ZNF608: variants seen among roughly 807,000 people sequenced by gnomAD.
The protein encoded by ZNF608 is zinc finger protein 608.
A neutral mutation model predicts 109.0 loss-of-function variants in ZNF608; 12 were observed. That is an observed-to-expected ratio of 0.11 (90% CI 0.07 to 0.18). ZNF608 has a LOEUF of 0.18. Ranked by LOEUF, ZNF608 falls within the 10% of genes least tolerant of loss-of-function variation. The pLI is 1.00. For synonymous variants in ZNF608, 732 were observed against 717.4 expected, an observed-to-expected ratio of 1.02 and a Z score of -0.33; for missense variants, 1,707 against 1,879.3, an observed-to-expected ratio of 0.91 and a Z score of 1.70.
intron 2 of ZNF608, among the ~76,000 whole-genome samples, chr5:124,719,983 T>A (rs949249889): frequency 5.3e-5 from 8 of 152,180 alleles, no homozygotes; most frequent in African/African-American, 1.9e-4. Context: ...ACATACTCTC[T>A]TATGATCGTT....
At chr5:124,661,597 A>G (rs1751263432) in intron 3 of ZNF608, among the ~76,000 whole-genome samples, 1 of 152,212 alleles carries the variant, frequency 6.6e-6, no homozygotes, top group Admixed American at 6.5e-5. Context: ...CTCCTCCAGC[A>G]CAGGGAAGGT....
At chr5:124,730,149 G>A (rs1329307639) in intron 2 of ZNF608, among the ~76,000 whole-genome samples, 1 of 152,160 alleles carries the variant, frequency 6.6e-6, no homozygotes, top group African/African-American at 2.4e-5. Flanking sequence ...CTACTGGTGT[G>A]TGCTGGCAAG....
chr5:124,654,193 A>AT (rs552109996), intron 3 of ZNF608, among the ~76,000 whole-genome samples: 25 of 148,916 alleles, frequency 1.7e-4, no homozygotes, highest in East Asian at 5.9e-4. Context: ...TCTTTTTCCT[A>AT]TTTTTTTTTA....
At chr5:124,742,349 G>A (rs1016915839) in intron 2 of ZNF608, among the ~76,000 whole-genome samples, 4 of 152,132 alleles carry the variant, frequency 2.6e-5, no homozygotes, top group African/African-American at 9.7e-5. Context: ...ATGCAAAAGG[G>A]CAGTACCTCC....
intron 3 of ZNF608, among the ~76,000 whole-genome samples, chr5:124,694,688 A>T (rs889126633): frequency 1.3e-5 from 2 of 152,008 alleles, no homozygotes; most frequent in Non-Finnish European, 2.9e-5. Context: ...CGTCATTTAC[A>T]TTAGGTATAT....
chr5:124,674,693 C>G (rs1361191039), intron 3 of ZNF608, among the ~76,000 whole-genome samples: 1 of 152,226 alleles, frequency 6.6e-6, no homozygotes, highest in Non-Finnish European at 1.5e-5. Context: ...TCACGGCAGC[C>G]TCAAACTCCT....
At chr5:124,709,545 G>A (rs569865622) in intron 2 of ZNF608, among the ~76,000 whole-genome samples, 125 of 152,288 alleles carry the variant, frequency 8.2e-4, no homozygotes, top group Middle Eastern at 3.4e-3. Context: ...TGGTGGAGGC[G>A]GAGCAGACAC....
In ZNF608 at chr5:124,644,460, A is replaced by T; in HGVS notation, c.3907T>A (p.Ser1303Thr). ...AGCTTGCTCTCCTCCATTGATTGAG[A>T]ATCAGGATGCTTGGCCTCTTTGGGC... ...EEPKEAKHPD[S>T]QSMEESKLKN... Residue 1303 changes from serine to threonine, a missense_variant, in exon 6 of 10, where the codon TCT becomes ACT. Around this residue, in one of 7 missense-constraint regions of ZNF608, gnomAD observed 1,073 missense variants for 1,133.5 expected, o/e 0.95. Transcript: ENST00000513986. 1 of 1,614,082 alleles carries T rather than the reference A, an allele frequency of 6.2e-7. No individual in the cohort carries two copies. The highest frequency in any genetic ancestry group is 8.5e-7 in the Non-Finnish European group (1 of 1,180,032).
At chr5:124,695,848 G>C (rs1752825549) in intron 3 of ZNF608, among the ~76,000 whole-genome samples, 1 of 152,084 alleles carries the variant, frequency 6.6e-6, no homozygotes, top group African/African-American at 2.4e-5. Context: ...TGGAGATATA[G>C]GAGAAGCAGA....
At chr5:124,689,198 G>A (rs1040886150) in intron 3 of ZNF608, among the ~76,000 whole-genome samples, 7 of 152,188 alleles carry the variant, frequency 4.6e-5, no homozygotes, top group East Asian at 1.9e-4. Flanking sequence ...AAGAGTTCAA[G>A]GTTACAGTGA....
At chr5:124,665,519 T>C (rs890528450) in intron 3 of ZNF608, among the ~76,000 whole-genome samples, 1 of 152,244 alleles carries the variant, frequency 6.6e-6, no homozygotes, top group Non-Finnish European at 1.5e-5. Flanking sequence ...ATCTTGTAAG[T>C]GAAGGAGCCT....
chr5:124,638,876 G>A (rs568518624), intron 9 of ZNF608: 66 of 1,029,860 alleles, frequency 6.4e-5, no homozygotes, highest in Admixed American at 7.5e-5. Flanking sequence ...TAGAAATGCC[G>A]TAAGGATAAC....
intron 3 of ZNF608, among the ~76,000 whole-genome samples, chr5:124,676,887 A>G (rs191886687): frequency 6.6e-6 from 1 of 152,354 alleles, no homozygotes; most frequent in South Asian, 2.1e-4. Context: ...ATATGATAAA[A>G]CATGGGAATA....
At position 124,647,134 on chromosome 5, in the gene ZNF608, C is replaced by A. The variant is rs1750550234; in HGVS notation, c.3250G>T (p.Ala1084Ser). Residue 1084 changes from alanine (A) to serine (S), a missense_variant, in exon 5 of 10, where the codon GCA (alanine) becomes TCA (serine). This residue lies in a region of ZNF608 where 1,073 missense variants were observed against 1,133.5 expected (regional missense o/e 0.95). Transcript: ENST00000513986. ...TTCTGGTCCATATAGAGCCCATATG[C>A]ATACTGGCCATAATAAAGTGACTGA... Reference protein sequence around the residue: ...LAQSLYYGQYAYGLYMDQKSL... With the variant: ...LAQSLYYGQYSYGLYMDQKSL... 2 of 1,614,074 alleles carry A rather than the reference C, an allele frequency of 1.2e-6. No individual in the cohort carries two copies. The highest frequency in any genetic ancestry group is 2.2e-5 in the South Asian group (2 of 91,088).
chr5:124,686,257 T>C (rs1314324637), intron 3 of ZNF608, among the ~76,000 whole-genome samples: 1 of 152,236 alleles, frequency 6.6e-6, no homozygotes, highest in Non-Finnish European at 1.5e-5. Flanking sequence ...AGATTCTCTG[T>C]CCCTGTGAAT....
chr5:124,684,872 T>C (rs762367253), intron 3 of ZNF608, among the ~76,000 whole-genome samples: 1 of 152,362 alleles, frequency 6.6e-6, no homozygotes, highest in South Asian at 2.1e-4. Context: ...TAGTCATAAC[T>C]GAAATACCAA....
intron 3 of ZNF608, among the ~76,000 whole-genome samples, chr5:124,667,498 C>T (rs1751526276): frequency 6.6e-6 from 1 of 152,054 alleles, no homozygotes; most frequent in African/African-American, 2.4e-5. Flanking sequence ...ACATCAACAC[C>T]ATTGTTGATA....
chr5:124,663,358 C>T (rs1008990805), intron 3 of ZNF608, among the ~76,000 whole-genome samples: 1 of 152,200 alleles, frequency 6.6e-6, no homozygotes, highest in South Asian at 2.1e-4. Flanking sequence ...ACCAGAGCGT[C>T]CAGGTCTGTT....
At chr5:124,700,983 C>A (rs187542629) in intron 3 of ZNF608, 31 bp downstream of exon 3, 2 of 1,609,292 alleles carry the variant, frequency 1.2e-6, no homozygotes, top group Non-Finnish European at 1.7e-6. Flanking sequence ...AAGAGGGCAT[C>A]GGGAAATATA....
Sources: gnomAD v4.1 joint callset for allele counts (sites outside exome capture counted in the v4.1 genomes callset) on GRCh38, gnomAD v4.1.1 for gene constraint, gnomAD v4.1.1 regional missense constraint, MANE v1.5 for transcripts, NCBI Gene and HGNC (gene_info 2026-07-23, HGNC 2026-07-21) for gene names.